Variants in NEO1 observed in about 807,000 individuals in gnomAD.
NEO1 encodes neogenin 1.
NEO1 carries 63 observed loss-of-function variants against 159.7 expected under a neutral mutation model. The observed-to-expected ratio is 0.39, with a 90% CI of 0.32 to 0.49. NEO1 has a LOEUF of 0.49. NEO1 is among the 20% of genes least tolerant of loss of function. NEO1 has a pLI of 0.85. For synonymous variants in NEO1, 633 were observed against 662.0 expected (o/e 0.96, Z 0.67); for missense variants, 1,615 against 1,831.0 (o/e 0.88, Z 2.15).
intron 5 of NEO1, among the ~76,000 whole-genome samples, chr15:73,138,786 A>G (rs2032081437): frequency 6.6e-6 from 1 of 151,964 alleles, no homozygotes; most frequent in Non-Finnish European, 1.5e-5. Flanking sequence ...AAAACAAAAA[A>G]ACAAAGGGGG....
At chr15:73,210,046 G>A (rs527965847) in intron 7 of NEO1, among the ~76,000 whole-genome samples, 1 of 152,238 alleles carries the variant, frequency 6.6e-6, no homozygotes, top group East Asian at 1.9e-4. Context: ...TACTGGTATT[G>A]TGATGACATT....
rs1408897765 is a variant in NEO1, at chr15:73,208,919, A to G, written c.1292-27428A>G. On this transcript the variant is annotated intron_variant, in intron 7 of 28. Coordinates refer to ENST00000261908, the MANE Select transcript of NEO1 (RefSeq NM_002499.4). ...CAAAAAACCTTAAGATTTTCATGCT[A>G]ACTCCCATGACAGCAGTTGTCAAGC... Among the ~76,000 whole-genome samples the G allele has an allele frequency of 2.6e-5, 4 of 152,178 alleles. No individual in the cohort carries two copies. The East Asian group carries it at 5.8e-4, about 22-fold the overall frequency.
At chr15:73,280,987 C>CG (rs1247134140) in intron 22 of NEO1, among the ~76,000 whole-genome samples, 1 of 151,598 alleles carries the variant, frequency 6.6e-6, no homozygotes, top group African/African-American at 2.4e-5. Context: ...AGGCAGATCA[C>CG]GAGGTCAGGA....
chr15:73,213,230 G>A (rs980124466), intron 7 of NEO1, among the ~76,000 whole-genome samples: 5 of 152,064 alleles, frequency 3.3e-5, no homozygotes, highest in Non-Finnish European at 7.4e-5. Flanking sequence ...GAATTTGAAT[G>A]TCATTCCTGC....
chr15:73,293,263 C>T, intron 25 of NEO1, 127 bp from the exon 26 acceptor site: 1 of 1,132,736 alleles, frequency 8.8e-7, no homozygotes, highest in Non-Finnish European at 1.3e-6. Flanking sequence ...CCAGCTGCCA[C>T]CAAAAAACCA....
chr15:73,294,082 A>G (rs1303703835), intron 26 of NEO1, among the ~76,000 whole-genome samples: 1 of 152,218 alleles, frequency 6.6e-6, no homozygotes, highest in Non-Finnish European at 1.5e-5. Context: ...CCTCAGGATT[A>G]TTAAAATTAG....
At chr15:73,193,688 C>A (rs80073889) in intron 7 of NEO1, among the ~76,000 whole-genome samples, 1 of 150,170 alleles carries the variant, frequency 6.7e-6, no homozygotes, top group African/African-American at 2.5e-5. Flanking sequence ...ACAACATATT[C>A]CATGGTCACC....
intron 1 of NEO1, among the ~76,000 whole-genome samples, chr15:73,107,743 T>G (rs1321324042): frequency 1.3e-5 from 2 of 152,204 alleles, no homozygotes; most frequent in African/African-American, 4.8e-5. Flanking sequence ...CAGCCATATT[T>G]TCATCAGTAT....
At chr15:73,283,567 G>C (rs2041818852) in intron 23 of NEO1, among the ~76,000 whole-genome samples, 1 of 152,174 alleles carries the variant, frequency 6.6e-6, no homozygotes, top group Non-Finnish European at 1.5e-5. Flanking sequence ...CTACCCTCCA[G>C]CCTCTTGCCA....
At chr15:73,141,694 C>T (rs2032401042) in intron 5 of NEO1, among the ~76,000 whole-genome samples, 1 of 152,220 alleles carries the variant, frequency 6.6e-6, no homozygotes, top group Non-Finnish European at 1.5e-5. Flanking sequence ...TGTCACTCTA[C>T]TTCTTTGACT....
chr15:73,080,680 CATT>C (rs2068999465), intron 1 of NEO1, among the ~76,000 whole-genome samples: 1 of 152,054 alleles, frequency 6.6e-6, no homozygotes, highest in Non-Finnish European at 1.5e-5. Flanking sequence ...AGGAAGGAAG[CATT>C]AGTGAGGAAG....
intron 1 of NEO1, among the ~76,000 whole-genome samples, chr15:73,084,975 C>T (rs2069273663): frequency 6.6e-6 from 1 of 151,966 alleles, no homozygotes; most frequent in Non-Finnish European, 1.5e-5. Context: ...TAGCTGACCC[C>T]ATGGAGAAAC....
chr15:73,301,109 T>C (rs1168280093), intron 27 of NEO1, among the ~76,000 whole-genome samples: 5 of 152,158 alleles, frequency 3.3e-5, no homozygotes, highest in Non-Finnish European at 7.3e-5. Context: ...AGGATATTGG[T>C]TTTCTAGAGA....
At chr15:73,052,271 G>A (rs1179978089), upstream of NEO1, among the ~76,000 whole-genome samples, 1 of 143,150 alleles carries the variant, frequency 7.0e-6, no homozygotes, top group East Asian at 2.1e-4. Flanking sequence ...GCGCGCGCGT[G>A]CGCGTGTGCG....
intron 1 of NEO1, among the ~76,000 whole-genome samples, chr15:73,102,856 A>C (rs1189689120): frequency 6.6e-6 from 1 of 152,144 alleles, no homozygotes; most frequent in African/African-American, 2.4e-5. Context: ...TATGTCCTCC[A>C]CATAAGCACC....
chr15:73,200,845 G>A (rs1364537353), intron 7 of NEO1, among the ~76,000 whole-genome samples: 1 of 151,438 alleles, frequency 6.6e-6, no homozygotes, highest in Non-Finnish European at 1.5e-5. Flanking sequence ...CACCATGCCC[G>A]GCTAATTTTT....
intron 4 of NEO1, among the ~76,000 whole-genome samples, chr15:73,131,671 G>C (rs904111714): frequency 6.6e-6 from 1 of 152,150 alleles, no homozygotes; most frequent in African/African-American, 2.4e-5. Context: ...ACTCCTGCCA[G>C]AGCAGTCTTT....
At chr15:73,209,727 C>T (rs2037442466) in intron 7 of NEO1, among the ~76,000 whole-genome samples, 1 of 152,176 alleles carries the variant, frequency 6.6e-6, no homozygotes, top group African/African-American at 2.4e-5. Flanking sequence ...CACGGTGGCT[C>T]ACGCCTGTAA....
intron 7 of NEO1, among the ~76,000 whole-genome samples, chr15:73,179,600 T>C (rs1443628213): frequency 1.3e-5 from 2 of 152,204 alleles, no homozygotes; most frequent in African/African-American, 4.8e-5. Context: ...CATTGCCTTC[T>C]ATTGATAAAG....
Sources: allele counts gnomAD v4.1 joint callset (sites outside exome capture counted in the v4.1 genomes callset), GRCh38; gene constraint gnomAD v4.1.1; transcripts MANE v1.5; gene names NCBI Gene and HGNC (gene_info 2026-07-23, HGNC 2026-07-21).